PHAX: variants seen among roughly 807,000 people sequenced by gnomAD.
The protein encoded by PHAX is phosphorylated adaptor for RNA export.
Under a neutral mutation model 41.6 loss-of-function variants are expected in PHAX, and 31 were observed. The observed-to-expected ratio is 0.75, with a 90% CI of 0.56 to 1.01. The LOEUF (loss-of-function observed/expected upper bound fraction) is 1.01. PHAX is among the 50% of genes least tolerant of loss of function. PHAX has a pLI of 0.00. For synonymous variants in PHAX, 175 were observed against 164.9 expected, an observed-to-expected ratio of 1.06 and a Z score of -0.47; for missense variants, 453 against 472.9, an observed-to-expected ratio of 0.96 and a Z score of 0.39.
At chr5:126,608,558 T>C (rs1752024494) in intron 3 of PHAX, 74 bp downstream of exon 3, 1 of 1,159,524 alleles carries the variant, frequency 8.6e-7, no homozygotes. Flanking sequence ...AATTTAACTT[T>C]GCCCTTGTTG....
At chr5:126,604,293 T>TTTTTG in intron 2 of PHAX, 110 bp downstream of exon 2, 1 of 965,838 alleles carries the variant, frequency 1.0e-6, no homozygotes, top group Non-Finnish European at 1.5e-6. Flanking sequence ...TTTTTTTTTT[T>TTTTTG]GGAGACAGGG....
chr5:126,610,896 G>A (rs893390884), intron 3 of PHAX, among the ~76,000 whole-genome samples: 1 of 152,048 alleles, frequency 6.6e-6, no homozygotes, highest in African/African-American at 2.4e-5. Flanking sequence ...TAGTAGAGAT[G>A]GAGTTTTACC....
Position 126,606,493 on chromosome 5 carries a change from T to G in PHAX, c.711-1871T>G, listed in dbSNP as rs149387847. 5.2e-3 allele frequency among the ~76,000 whole-genome samples: 791 copies of G among 152,270 alleles called. 7 individuals are homozygous for G. Among genetic ancestry groups the G allele is most frequent in the African/African-American group, 0.018 (764 of 41,558 alleles). ...CACTGTGCCCAGCCAATGTTGTGTT[T>G]TTGAGATTGATCCATGGTGTAGCAG... On this transcript the variant is annotated intron_variant, in intron 2 of 4. Coordinates refer to ENST00000297540, the MANE Select transcript of PHAX (RefSeq NM_032177.4).
intron 3 of PHAX, among the ~76,000 whole-genome samples, 199 bp downstream of exon 3, chr5:126,608,683 T>C (rs1488348655): frequency 6.6e-6 from 1 of 152,122 alleles, no homozygotes; most frequent in Non-Finnish European, 1.5e-5. Flanking sequence ...AAGCCTGTAT[T>C]CCTAGCACTT....
At chr5:126,615,215 A>G (rs1472241022) in intron 3 of PHAX, among the ~76,000 whole-genome samples, 3 of 152,036 alleles carry the variant, frequency 2.0e-5, no homozygotes, top group Admixed American at 2.0e-4. Context: ...TTATATCATA[A>G]TTTATATGAC....
chr5:126,606,908 C>T (rs547484849), intron 2 of PHAX, among the ~76,000 whole-genome samples: 7 of 152,244 alleles, frequency 4.6e-5, no homozygotes, highest in South Asian at 2.1e-4. Context: ...CCACCCCCTT[C>T]GACCTCCCAA....
At chr5:126,606,484 T>C (rs952708650) in intron 2 of PHAX, among the ~76,000 whole-genome samples, 1 of 152,036 alleles carries the variant, frequency 6.6e-6, no homozygotes, top group African/African-American at 2.4e-5. Flanking sequence ...GCCCAGCCAA[T>C]GTTGTGTTTT....
chr5:126,613,337 A>G (rs914705139), intron 3 of PHAX, among the ~76,000 whole-genome samples: 15 of 152,194 alleles, frequency 9.9e-5, no homozygotes, highest in Admixed American at 5.2e-4. Flanking sequence ...CAACAAGAAC[A>G]TGACTCTGTC....
At chr5:126,622,798 T>C (rs1581423693) in intron 4 of PHAX, among the ~76,000 whole-genome samples, 2 of 152,160 alleles carry the variant, frequency 1.3e-5, no homozygotes, top group Non-Finnish European at 2.9e-5. Flanking sequence ...AAATTGCAAA[T>C]CATCACACTT....
chr5:126,603,146 G>A (rs573292043), intron 1 of PHAX, among the ~76,000 whole-genome samples: 24 of 152,000 alleles, frequency 1.6e-4, no homozygotes, highest in African/African-American at 5.8e-4. Context: ...GGCTGAGGTA[G>A]GAGGATCGCT....
chr5:126,613,351 A>G (rs559445623), intron 3 of PHAX, among the ~76,000 whole-genome samples: 2 of 152,318 alleles, frequency 1.3e-5, no homozygotes, highest in South Asian at 4.1e-4. Context: ...CTCTGTCTCA[A>G]AAATAAATAA....
chr5:126,619,491 G>T (rs1203693501), intron 4 of PHAX, among the ~76,000 whole-genome samples: 1 of 151,386 alleles, frequency 6.6e-6, no homozygotes, highest in Non-Finnish European at 1.5e-5. Flanking sequence ...TAGGAGAATC[G>T]CTTGAACCTG....
intron 2 of PHAX, 73 bp from the exon 3 acceptor site, chr5:126,608,291 G>A (rs1422091547): frequency 2.7e-6 from 4 of 1,500,502 alleles, no homozygotes; most frequent in Middle Eastern, 1.8e-4. Context: ...TTTTATTCTA[G>A]CTGGTGACTA....
At chr5:126,621,226 T>G (rs1752266768) in intron 4 of PHAX, among the ~76,000 whole-genome samples, 1 of 151,928 alleles carries the variant, frequency 6.6e-6, no homozygotes, top group African/African-American at 2.4e-5. Flanking sequence ...TCTCCTGCTA[T>G]CACTCAGGCA....
intron 3 of PHAX, among the ~76,000 whole-genome samples, chr5:126,614,826 G>C (rs1473874156): frequency 2.0e-5 from 3 of 151,792 alleles, no homozygotes; most frequent in African/African-American, 4.8e-5. Flanking sequence ...GTGCGATCTC[G>C]GCTTACTGCA....
At position 126,624,692 on chromosome 5, in the gene PHAX, G is replaced by T. The variant is rs1752319836; in HGVS notation, c.1033G>T (p.Glu345Ter). 6.2e-7 allele frequency: 1 copy of T among 1,614,022 alleles called. No homozygotes were observed. The highest frequency in any genetic ancestry group is 1.7e-5 in the Admixed American group (1 of 59,994). ...AGCTATTAAAAGTCTAAATTTTCAA[G>T]AAGATGATGATACATCACGAGAAAC... ...KQAIKSLNFQ[E>*]DDDTSRETFA... The change falls in exon 5 of 5, where the codon GAA becomes TAA. Residue 345 changes from glutamate to a stop codon, truncating the protein, a stop_gained. Transcript: ENST00000297540. LOFTEE classifies it high-confidence loss of function.
At chr5:126,622,218 C>T (rs1037574580) in intron 4 of PHAX, among the ~76,000 whole-genome samples, 1 of 152,082 alleles carries the variant, frequency 6.6e-6, no homozygotes. Context: ...ACTGCAACCT[C>T]TGCCTCCCGG....
rs745882320 is a variant in PHAX, at chr5:126,601,005, G to A, written c.43G>A (p.Asp15Asn). The A allele has an allele frequency of 8.1e-6, 13 of 1,606,058 alleles. No homozygotes were observed. Among genetic ancestry groups the A allele is most frequent in the Admixed American group, 5.0e-5 (3 of 59,574 alleles). The change falls in exon 1 of 5, where the codon GAC becomes AAC. Residue 15 changes from aspartate (D) to asparagine (N), a missense_variant. Asp to Asn is a conservative substitution (Grantham distance 23, BLOSUM62 1). Transcript: ENST00000297540. Reference sequence around the variant, plus strand: ...CGATATGGAAGATGGGCAGCTTTCCGACTCGGATTCCGACATGACGGTCGC... The same window carrying A: ...CGATATGGAAGATGGGCAGCTTTCCAACTCGGATTCCGACATGACGGTCGC... Reference protein sequence around the residue: ...VGDMEDGQLSDSDSDMTVAPS... With the variant: ...VGDMEDGQLSNSDSDMTVAPS...
rs922303655 is a variant in PHAX, at chr5:126,625,611, AT to A, written c.*768del. 6.6e-6 allele frequency: 1 copy of A among 151,498 alleles called. No homozygotes were observed. Among genetic ancestry groups the A allele is most frequent in the Non-Finnish European group, 1.5e-5 (1 of 67,912 alleles). 9.4% of individuals were successfully genotyped at this position (151,498 alleles called of 1,614,324 possible). A position where few individuals can be genotyped will look rare whatever the true frequency, so the allele number is the denominator to read the frequency against. On this transcript the variant is annotated 3_prime_UTR_variant, in exon 5 of 5. Coordinates refer to ENST00000297540, the MANE Select transcript of PHAX (RefSeq NM_032177.4). ...GACTCTGTCTCAAAAAAAAAAAAAA[AT>A]ACAATTAAGAGGTGTATACTGATGA...
Sources: allele counts gnomAD v4.1 joint callset (sites outside exome capture counted in the v4.1 genomes callset), GRCh38; gene constraint gnomAD v4.1.1; transcripts MANE v1.5; gene names NCBI Gene and HGNC (gene_info 2026-07-23, HGNC 2026-07-21).